Variants in WDR86 observed in about 807,000 individuals in gnomAD.
The protein encoded by WDR86 is WD repeat-containing protein 86.
A neutral mutation model predicts 36.5 loss-of-function variants in WDR86; 30 were observed. The observed-to-expected ratio is 0.82, with a 90% CI of 0.61 to 1.11. WDR86 has a LOEUF of 1.11. Ranked by LOEUF, WDR86 falls within the 50% of genes most tolerant of loss-of-function variation. The pLI, the probability that WDR86 is intolerant of heterozygous loss-of-function variation, is 0.00. For missense variants in WDR86, 545 were observed against 561.2 expected (o/e 0.97, Z 0.29); for synonymous variants, 255 against 252.9 (o/e 1.01, Z -0.08).
In WDR86 at chr7:151,406,730, T is replaced by C. The variant is rs1172177543; in HGVS notation, c.163+2697A>G. On this transcript the variant is annotated intron_variant, in intron 1 of 5. Coordinates refer to ENST00000334493, the MANE Select transcript of WDR86 (RefSeq NM_198285.3). The surrounding 1 kb of genome is among the most constrained non-coding windows in gnomAD (Gnocchi z 4.4). ...GCGACAGCACCCACCCCATTATCGA[T>C]GGTATCTAGAAAACAACAAGAATGC... is the stretch of plus-strand genomic sequence containing the variant. 6.6e-6 allele frequency among the ~76,000 whole-genome samples: 1 copy of C among 152,110 alleles called. No homozygotes were observed. The highest frequency in any genetic ancestry group is 2.4e-5 in the African/African-American group (1 of 41,432).
At chr7:151,383,781 A>G (rs1041053464) in intron 4 of WDR86, among the ~76,000 whole-genome samples, 1 of 152,238 alleles carries the variant, frequency 6.6e-6, no homozygotes, top group Non-Finnish European at 1.5e-5. Flanking sequence ...GGGTGGGAAG[A>G]GGATCAAAAA....
In WDR86 at chr7:151,405,038, G is replaced by A. The variant is rs544062176; in HGVS notation, c.163+4389C>T. 2.6e-5 allele frequency among the ~76,000 whole-genome samples: 4 copies of A among 152,294 alleles called. No homozygotes were observed. The highest frequency in any genetic ancestry group is 2.6e-4 in the Admixed American group (4 of 15,306). ...GCTGACCTGGTTTGCTCCAGCCCTT[G>A]TAGCACAAGGGTTATTTTCACCTGT... On this transcript the variant is annotated intron_variant, in intron 1 of 5. Transcript: ENST00000334493. This position sits in a 1 kb window ranked among gnomAD's most constrained non-coding sequence, Gnocchi z 4.7.
At chr7:151,379,809 G>A (rs897383867), downstream of WDR86, among the ~76,000 whole-genome samples, 2 of 152,188 alleles carry the variant, frequency 1.3e-5, no homozygotes, top group African/African-American at 4.8e-5. Context: ...TGACGTGTCA[G>A]TGAGGGGCTG....
chr7:151,408,738 C>T (rs1021340707), intron 1 of WDR86: 1 of 385,710 alleles, frequency 2.6e-6, no homozygotes, highest in Non-Finnish European at 5.4e-6. Context: ...GGGACAGGCC[C>T]AGGGGAAGGT....
At chr7:151,402,692 ATGGAGGGCCAAGAG>A (rs200198392) in intron 1 of WDR86, among the ~76,000 whole-genome samples, 2,900 of 152,298 alleles carry the variant, frequency 0.019, 40 homozygotes, top group Middle Eastern at 0.031. Context: ...TGTGGCCAGA[ATGGAGGGCCAAGAG>A]TGGAGGGCCA....
chr7:151,407,490 C>A (rs1428886901), intron 1 of WDR86, among the ~76,000 whole-genome samples: 4 of 152,194 alleles, frequency 2.6e-5, no homozygotes. Context: ...CCGTCCCCAG[C>A]CCAGGGGCTC....
At chr7:151,370,677 A>G in the WDR86 span, among the ~76,000 whole-genome samples, 3 of 148,164 alleles carry the variant, frequency 2.0e-5, no homozygotes, top group Non-Finnish European at 4.5e-5. Flanking sequence ...ATATCTCCTA[A>G]AGCTATCCCT....
chr7:151,380,392 C>T (rs1488410468), downstream of WDR86, among the ~76,000 whole-genome samples: 1 of 152,108 alleles, frequency 6.6e-6, no homozygotes, highest in Non-Finnish European at 1.5e-5. Flanking sequence ...GCATGCTGCT[C>T]TACCTGAAAG....
chr7:151,407,337 G>A (rs930002235), intron 1 of WDR86, among the ~76,000 whole-genome samples: 8 of 152,204 alleles, frequency 5.3e-5, no homozygotes, highest in Non-Finnish European at 1.0e-4. Context: ...GCAGGAGGGT[G>A]GGCCCTGGAG....
rs578028219 is a variant in WDR86 at position 151,392,924 on chromosome 7, C to T, written c.726+2852G>A. Among the ~76,000 whole-genome samples, 3 of 152,268 alleles carry T rather than the reference C, an allele frequency of 2.0e-5. No individual in the cohort carries two copies. In the East Asian group the frequency reaches 5.8e-4, roughly 29 times the overall value. The stretch of plus-strand genomic sequence containing the variant: ...AGCCCCCCATTCTTCAGTCTTGGCT[C>T]CCTGCACCCCACCCCCCTGCTAGGA... On this transcript the variant is annotated intron_variant, in intron 3 of 5. Transcript: ENST00000334493.
downstream of WDR86, among the ~76,000 whole-genome samples, chr7:151,374,783 A>T (rs761978324): frequency 6.6e-6 from 1 of 152,120 alleles, no homozygotes; most frequent in Non-Finnish European, 1.5e-5. Flanking sequence ...AATCCTCAGT[A>T]GGGCAGGTGC....
chr7:151,397,654 GAA>G, intron 2 of WDR86, among the ~76,000 whole-genome samples: 2 of 132,714 alleles, frequency 1.5e-5, no homozygotes, highest in Non-Finnish European at 3.4e-5. Flanking sequence ...ATAGCGGGAG[GAA>G]GGGCATAGCG....
chr7:151,403,242 G>A (rs1218996839), intron 1 of WDR86, among the ~76,000 whole-genome samples: 1 of 152,198 alleles, frequency 6.6e-6, no homozygotes, highest in Non-Finnish European at 1.5e-5. Context: ...GGTGCAGAAC[G>A]TGTTGGGCAG....
downstream of WDR86, chr7:151,375,884 G>T: frequency 1.2e-6 from 2 of 1,613,310 alleles, no homozygotes; most frequent in South Asian, 2.2e-5. Context: ...GTGGTTAAAT[G>T]ATTCCAATCC....
At chr7:151,374,884 G>T (rs942883399), downstream of WDR86, among the ~76,000 whole-genome samples, 1 of 152,210 alleles carries the variant, frequency 6.6e-6, no homozygotes, top group Non-Finnish European at 1.5e-5. Context: ...CACACGTGGT[G>T]AGGGGTCCCG....
intron 2 of WDR86, 24 bp downstream of exon 2, chr7:151,400,076 G>A (rs1661852977): frequency 6.5e-7 from 1 of 1,538,918 alleles, no homozygotes; most frequent in Non-Finnish European, 8.8e-7. Flanking sequence ...GTGAGACTCA[G>A]CCCAAGCCCC....
downstream of WDR86, chr7:151,376,269 G>C (rs184020517): frequency 1.3e-3 from 624 of 467,056 alleles, 1 homozygote; most frequent in Middle Eastern, 6.5e-3. Flanking sequence ...AACCCATCCA[G>C]CTTTGTATCC....
At chr7:151,368,997 A>C in the WDR86 span, 1 of 1,211,224 alleles carries the variant, frequency 8.3e-7, no homozygotes, top group Admixed American at 3.5e-5. Context: ...ATTGGGAAGG[A>C]AGGAGAAACT....
At chr7:151,387,290 A>G (rs1388715728) in intron 3 of WDR86, among the ~76,000 whole-genome samples, 1 of 152,036 alleles carries the variant, frequency 6.6e-6, no homozygotes, top group Non-Finnish European at 1.5e-5. Flanking sequence ...AGGGCAGGAG[A>G]GGACAAAGGG....
Sources: allele counts gnomAD v4.1 joint callset (sites outside exome capture counted in the v4.1 genomes callset), GRCh38; gene constraint gnomAD v4.1.1; non-coding constraint Gnocchi (gnomAD v3.1); transcripts MANE v1.5; gene names NCBI Gene and HGNC (gene_info 2026-07-23, HGNC 2026-07-21).